DNAH7: variants seen among roughly 807,000 people sequenced by gnomAD.
The protein encoded by DNAH7 is dynein axonemal heavy chain 7.
Under a neutral mutation model 444.6 loss-of-function variants are expected in DNAH7, and 397 were observed. That is an observed-to-expected ratio of 0.89 (90% CI 0.82 to 0.97). The LOEUF is 0.97. Among genes scored for constraint, DNAH7 ranks in the 50% least tolerant of loss-of-function variants. The pLI is 0.00. For missense variants in DNAH7, 4,902 were observed against 4,800.8 expected (o/e 1.02, Z -0.62); for synonymous variants, 1,636 against 1,624.4 (o/e 1.01, Z -0.17).
intron 7 of DNAH7, among the ~76,000 whole-genome samples, chr2:196,026,258 T>C (rs914232648): frequency 3.3e-5 from 5 of 152,220 alleles, no homozygotes; most frequent in African/African-American, 1.2e-4. Flanking sequence ...CTGTGAGCTA[T>C]AGTTTGTCAA....
At chr2:195,846,426 C>T (rs897166979) in intron 46 of DNAH7, among the ~76,000 whole-genome samples, 6 of 152,156 alleles carry the variant, frequency 3.9e-5, no homozygotes, top group Non-Finnish European at 5.9e-5. Flanking sequence ...TAAATTAGTT[C>T]AGCCATTGGG....
chr2:195,819,758 G>A (rs1228986709), intron 49 of DNAH7, among the ~76,000 whole-genome samples: 3 of 152,276 alleles, frequency 2.0e-5, no homozygotes, highest in East Asian at 1.9e-4. Flanking sequence ...AAACTTAAGC[G>A]TGATCAGCAG....
At chr2:195,917,217 G>A (rs1687743669) in intron 24 of DNAH7, among the ~76,000 whole-genome samples, 2 of 150,410 alleles carry the variant, frequency 1.3e-5, no homozygotes, top group Non-Finnish European at 2.9e-5. Flanking sequence ...GCAGCTTCCC[G>A]ATAAGATCTC....
intron 44 of DNAH7, 97 bp from the exon 45 acceptor site, chr2:195,856,088 A>T: frequency 9.1e-7 from 1 of 1,100,790 alleles, no homozygotes; most frequent in South Asian, 2.1e-5. Flanking sequence ...ACTATAACTG[A>T]AAACACTTCT....
intron 18 of DNAH7, 47 bp downstream of exon 18, chr2:195,960,213 G>T: frequency 6.9e-7 from 1 of 1,453,104 alleles, no homozygotes; most frequent in South Asian, 1.4e-5. Context: ...AAACACAAGT[G>T]ATTTTGGTAA....
At chr2:196,057,789 A>G (rs1194237998) in intron 2 of DNAH7, among the ~76,000 whole-genome samples, 1 of 152,222 alleles carries the variant, frequency 6.6e-6, no homozygotes, top group East Asian at 1.9e-4. Context: ...AACTCAACAT[A>G]CCTAGACAGC....
At chr2:195,927,795 A>C (rs1302264806) in intron 21 of DNAH7, among the ~76,000 whole-genome samples, 1 of 152,008 alleles carries the variant, frequency 6.6e-6, no homozygotes, top group Non-Finnish European at 1.5e-5. Context: ...CCTTTCAAGC[A>C]TGCAAATACA....
chr2:195,750,539 G>A (rs761831593), intron 63 of DNAH7, among the ~76,000 whole-genome samples: 9 of 152,150 alleles, frequency 5.9e-5, no homozygotes, highest in South Asian at 2.1e-4. Context: ...GAAAACTTTC[G>A]TTGAGAAATG....
chr2:195,837,538 C>T (rs937497466), intron 47 of DNAH7, among the ~76,000 whole-genome samples: 1 of 152,144 alleles, frequency 6.6e-6, no homozygotes, highest in Admixed American at 6.5e-5. Context: ...TATTTTCTGG[C>T]TTAGTGGGGG....
At chr2:195,778,039 G>A (rs1482273934) in intron 58 of DNAH7, 54 bp from the exon 59 acceptor site, 13 of 1,402,172 alleles carry the variant, frequency 9.3e-6, no homozygotes, top group East Asian at 5.1e-5. Flanking sequence ...ATACAGAATC[G>A]TGTTTCTTGT....
intron 56 of DNAH7, chr2:195,795,797 T>C (rs1210568159): frequency 6.6e-6 from 1 of 152,224 alleles, no homozygotes; most frequent in East Asian, 1.9e-4. Context: ...AAAGTCACTG[T>C]CTTCATGATG....
At chr2:195,952,960 A>C (rs1690369050) in intron 19 of DNAH7, among the ~76,000 whole-genome samples, 1 of 152,118 alleles carries the variant, frequency 6.6e-6, no homozygotes, top group Non-Finnish European at 1.5e-5. Flanking sequence ...TTCTCGGTCC[A>C]GTGTTGTTCC....
intron 33 of DNAH7, among the ~76,000 whole-genome samples, chr2:195,886,500 A>T (rs975067081): frequency 6.6e-6 from 1 of 152,176 alleles, no homozygotes; most frequent in African/African-American, 2.4e-5. Flanking sequence ...AGTTTTAAAA[A>T]ATTGCTGTTA....
Position 195,808,544 on chromosome 2 carries a change from A to G in DNAH7, c.10083+138T>C, listed in dbSNP as rs1574472689. On this transcript the variant is annotated intron_variant, in intron 53 of 64. Transcript: ENST00000312428. ...CAGAACCACTGACTTAGAAGGGGGG[A>G]TAACATAAATCAAAATTTGCATTCT... is the stretch of plus-strand genomic sequence containing the variant. 9.7e-6 allele frequency: 9 copies of G among 926,950 alleles called. No homozygotes were observed. In the East Asian group the frequency reaches 2.4e-4, roughly 24 times the overall value. The allele number at this position is 926,950 out of a possible 1,614,324, so 57.4% of individuals were successfully genotyped here. A position where few individuals can be genotyped will look rare whatever the true frequency, so the allele number is the denominator to read the frequency against.
At chr2:195,998,564 C>CA (rs539748720) in intron 12 of DNAH7, among the ~76,000 whole-genome samples, 2,023 of 96,838 alleles carry the variant, frequency 0.021, 27 homozygotes, top group Non-Finnish European at 0.027. Flanking sequence ...GACTCCAACT[C>CA]AAAAAAAAAA....
chr2:196,061,645 A>C (rs1698139133), intron 1 of DNAH7, among the ~76,000 whole-genome samples: 1 of 152,146 alleles, frequency 6.6e-6, no homozygotes. Context: ...ACATCTCACA[A>C]TATCCATTAT....
chr2:195,926,647 T>A lies in DNAH7; in HGVS notation c.3472-81A>T, dbSNP rs985399761. ...TGAGAGCTAAACTAAACTAGATTAA[T>A]TCATACTGCTCAATTTTTTACAACA... On this transcript the variant is annotated intron_variant, in intron 21 of 64. Coordinates refer to ENST00000312428, the MANE Select transcript of DNAH7 (RefSeq NM_018897.3). 10 of 1,231,414 alleles carry A rather than the reference T, an allele frequency of 8.1e-6. No homozygotes were observed. In the African/African-American group the frequency reaches 1.1e-4, roughly 13 times the overall value. 76.3% of individuals were successfully genotyped at this position (1,231,414 alleles called of 1,614,324 possible). A position where few individuals can be genotyped will look rare whatever the true frequency, so the allele number is the denominator to read the frequency against.
chr2:195,884,202 T>C (rs1395082156), intron 35 of DNAH7, among the ~76,000 whole-genome samples: 1 of 152,238 alleles, frequency 6.6e-6, no homozygotes, highest in East Asian at 1.9e-4. Context: ...TTATACCAGC[T>C]GGATTCCTAC....
intron 57 of DNAH7, among the ~76,000 whole-genome samples, chr2:195,788,328 G>T (rs1472366060): frequency 1.3e-5 from 2 of 152,170 alleles, no homozygotes; most frequent in East Asian, 1.9e-4. Flanking sequence ...GGGCAGGAAG[G>T]CCACCAACTA....
Sources: gnomAD v4.1 joint callset for allele counts (sites outside exome capture counted in the v4.1 genomes callset) on GRCh38, gnomAD v4.1.1 for gene constraint, MANE v1.5 for transcripts, NCBI Gene and HGNC (gene_info 2026-07-23, HGNC 2026-07-21) for gene names.